GPC5: variants seen among roughly 807,000 people sequenced by gnomAD.
The protein encoded by GPC5 is glypican 5.
In GPC5, 47 loss-of-function variants were observed where a neutral mutation model predicts 53.9. The ratio of observed to expected loss-of-function variants is 0.87; its 90% confidence interval spans 0.69 to 1.11. The LOEUF is 1.11. Among genes scored for constraint, GPC5 ranks in the 50% most tolerant of loss-of-function variants. The probability of loss-of-function intolerance (pLI) is 0.00; values close to 1 mark genes in which losing one functional copy is unlikely to be tolerated. For synonymous variants in GPC5, 286 were observed against 263.3 expected (o/e 1.09, Z -0.84); for missense variants, 748 against 713.1 (o/e 1.05, Z -0.56).
chr13:92,233,629 A>C (rs913137271), intron 7 of GPC5, among the ~76,000 whole-genome samples: 2 of 151,902 alleles, frequency 1.3e-5, no homozygotes, highest in Non-Finnish European at 2.9e-5. Flanking sequence ...ATGTTTGTTA[A>C]TTTTTTTTAT....
chr13:91,800,010 G>GT (rs1008772197), intron 5 of GPC5, among the ~76,000 whole-genome samples: 3 of 151,776 alleles, frequency 2.0e-5, no homozygotes, highest in South Asian at 2.1e-4. Flanking sequence ...ATCAACCCTA[G>GT]TTTTTTTTCT....
chr13:92,248,484 C>T (rs938709723), intron 7 of GPC5, among the ~76,000 whole-genome samples: 1 of 152,116 alleles, frequency 6.6e-6, no homozygotes, highest in Non-Finnish European at 1.5e-5. Flanking sequence ...AGTTACTTAG[C>T]CTCCAGCGTC....
At chr13:92,474,367 A>C (rs1413188873) in intron 7 of GPC5, among the ~76,000 whole-genome samples, 1 of 152,006 alleles carries the variant, frequency 6.6e-6, no homozygotes, top group Non-Finnish European at 1.5e-5. Context: ...AACTGGGAAG[A>C]CTTTAAAATG....
At chr13:91,879,465 G>T (rs550348946) in intron 5 of GPC5, among the ~76,000 whole-genome samples, 55 of 152,274 alleles carry the variant, frequency 3.6e-4, no homozygotes, top group Non-Finnish European at 1.9e-4. Context: ...ACAATTCCAG[G>T]GGCTGGGAAA....
chr13:91,850,280 C>T (rs1157674997), intron 5 of GPC5, among the ~76,000 whole-genome samples: 2 of 152,052 alleles, frequency 1.3e-5, no homozygotes, highest in Non-Finnish European at 2.9e-5. Context: ...CCAAATCTGC[C>T]TGAAATTTAT....
chr13:92,151,060 T>C lies in GPC5; in HGVS notation c.1561+6071T>C, dbSNP rs192959956. On this transcript the variant is annotated intron_variant, in intron 7 of 7. Transcript: ENST00000377067. ...AGTGGCTATTGAAATGGCGATATTC[T>C]GTCTCGGGATTGATAAAGTGCATCT... is the stretch of plus-strand genomic sequence containing the variant. Among the ~76,000 whole-genome samples the C allele has an allele frequency of 2.6e-5, 4 of 152,210 alleles. No individual in the cohort carries two copies. In the East Asian group the frequency reaches 7.7e-4, roughly 29 times the overall value.
chr13:91,885,201 A>G (rs2039309212), intron 5 of GPC5, among the ~76,000 whole-genome samples: 1 of 152,166 alleles, frequency 6.6e-6, no homozygotes, highest in African/African-American at 2.4e-5. Flanking sequence ...CAAATCAGTA[A>G]TGGATATACC....
At chr13:92,136,952 C>T (rs568991744) in intron 6 of GPC5, among the ~76,000 whole-genome samples, 131 of 152,318 alleles carry the variant, frequency 8.6e-4, no homozygotes, top group African/African-American at 2.9e-3. Context: ...GCTTCCTAAA[C>T]CAACTAAACA....
intron 4 of GPC5, among the ~76,000 whole-genome samples, 195 bp downstream of exon 4, chr13:91,728,860 CA>C (rs2036633766): frequency 6.6e-6 from 1 of 151,654 alleles, no homozygotes; most frequent in African/African-American, 2.4e-5. Flanking sequence ...CTTATAAGAC[CA>C]AGAAAACTTT....
At chr13:92,578,831 G>C (rs1883272165) in intron 7 of GPC5, among the ~76,000 whole-genome samples, 1 of 152,180 alleles carries the variant, frequency 6.6e-6, no homozygotes. Context: ...GATGGCGTCA[G>C]CATAGTGACT....
chr13:91,960,001 C>T (rs188972255), intron 6 of GPC5, among the ~76,000 whole-genome samples: 9 of 151,858 alleles, frequency 5.9e-5, no homozygotes, highest in East Asian at 3.9e-4. Context: ...GAGGAAAAGC[C>T]GAAAGCCTTT....
intron 7 of GPC5, among the ~76,000 whole-genome samples, chr13:92,667,601 G>C (rs1886618539): frequency 6.6e-6 from 1 of 152,128 alleles, no homozygotes; most frequent in Non-Finnish European, 1.5e-5. Context: ...ATCTATGAGA[G>C]AGCTGCGAGA....
At chr13:91,591,345 C>G (rs566348331) in intron 2 of GPC5, among the ~76,000 whole-genome samples, 2 of 152,258 alleles carry the variant, frequency 1.3e-5, no homozygotes, top group East Asian at 3.9e-4. Flanking sequence ...CTGACTTGAC[C>G]TTTCTTTCCA....
At chr13:92,485,495 GA>G (rs537940137) in intron 7 of GPC5, among the ~76,000 whole-genome samples, 29 of 150,908 alleles carry the variant, frequency 1.9e-4, no homozygotes, top group African/African-American at 4.9e-4. Flanking sequence ...ATCAAGAGTA[GA>G]AAAAAAAATC....
chr13:91,791,678 G>GTTTAATTACATTA (rs1566686505), intron 5 of GPC5, among the ~76,000 whole-genome samples: 1 of 151,390 alleles, frequency 6.6e-6, no homozygotes, highest in Non-Finnish European at 1.5e-5. Context: ...ACAATTGTAT[G>GTTTAATTACATTA]AGGCAGCTCT....
At chr13:92,000,831 AAC>A (rs2040547402) in intron 6 of GPC5, among the ~76,000 whole-genome samples, 3 of 152,184 alleles carry the variant, frequency 2.0e-5, no homozygotes, top group Admixed American at 1.3e-4. Flanking sequence ...AGCAATATAG[AAC>A]ACTATATGTA....
At chr13:92,498,631 G>T (rs1258985263) in intron 7 of GPC5, among the ~76,000 whole-genome samples, 1 of 152,086 alleles carries the variant, frequency 6.6e-6, no homozygotes, top group African/African-American at 2.4e-5. Flanking sequence ...CTGGTTTGCA[G>T]GGCAGAGGGT....
intron 2 of GPC5, among the ~76,000 whole-genome samples, chr13:91,542,806 C>A (rs1478247124): frequency 6.6e-6 from 1 of 151,710 alleles, no homozygotes; most frequent in Non-Finnish European, 1.5e-5. Context: ...GCCTCAGCCT[C>A]CTGAGTAACT....
chr13:92,010,940 A>G (rs1258849806), intron 6 of GPC5, among the ~76,000 whole-genome samples: 1 of 152,224 alleles, frequency 6.6e-6, no homozygotes, highest in Admixed American at 6.5e-5. Flanking sequence ...TATTTCTTAA[A>G]TGATATTAGG....
Sources: allele counts gnomAD v4.1 joint callset (sites outside exome capture counted in the v4.1 genomes callset), GRCh38; gene constraint gnomAD v4.1.1; transcripts MANE v1.5; gene names NCBI Gene and HGNC (gene_info 2026-07-23, HGNC 2026-07-21).